The following PDE11A variants were observed in gnomAD, a reference collection of about 807,000 sequenced individuals.
PDE11A encodes dual 3',5'-cyclic-AMP and -GMP phosphodiesterase 11A.
Under a neutral mutation model 100.5 loss-of-function variants are expected in PDE11A, and 100 were observed. The observed-to-expected ratio is 1.00, with a 90% CI of 0.85 to 1.18. The LOEUF (loss-of-function observed/expected upper bound fraction) is 1.18. Ranked by LOEUF, PDE11A falls within the 50% of genes most tolerant of loss-of-function variation. The pLI is 0.00. For synonymous variants in PDE11A, 381 were observed against 420.8 expected, an observed-to-expected ratio of 0.91 and a Z score of 1.16; for missense variants, 1,141 against 1,152.6, an observed-to-expected ratio of 0.99 and a Z score of 0.15.
rs1453583160 is a variant in PDE11A at position 177,669,508 on chromosome 2, G to A, written c.2547C>T (p.Leu849=). ...ATGAACTCACTGAAGGAGTGAGTTT[G>A]AGCTCTAATCTCTCCCGATCTCCTT... ...FEQGDRERLE[L]KLTPSAIFDR... Residue 849 remains leucine, a synonymous_variant, in exon 18 of 20, where the codon CTC becomes CTT. Transcript: ENST00000286063. The A allele has an allele frequency of 8.8e-6, 12 of 1,360,040 alleles. No homozygotes were observed. Among genetic ancestry groups the A allele is most frequent in the Non-Finnish European group, 1.3e-5 (12 of 948,658 alleles). The allele number at this position is 1,360,040 out of a possible 1,614,324, so 84.2% of individuals were successfully genotyped here. A position where few individuals can be genotyped will look rare whatever the true frequency, so the allele number is the denominator to read the frequency against.
At chr2:177,745,815 C>A (rs1457745674) in intron 10 of PDE11A, among the ~76,000 whole-genome samples, 1 of 152,214 alleles carries the variant, frequency 6.6e-6, no homozygotes, top group East Asian at 1.9e-4. Context: ...GCTTGTCAGG[C>A]GGGCTGAGTC....
intron 19 of PDE11A, among the ~76,000 whole-genome samples, chr2:177,661,728 G>A (rs1303352313): frequency 2.0e-5 from 3 of 152,124 alleles, no homozygotes; most frequent in Non-Finnish European, 2.9e-5. Context: ...TTCACCCCCT[G>A]TTAAATGAAA....
At chr2:178,039,395 G>T (rs1242142948) in intron 1 of PDE11A, among the ~76,000 whole-genome samples, 1 of 152,122 alleles carries the variant, frequency 6.6e-6, no homozygotes, top group African/African-American at 2.4e-5. Flanking sequence ...GAGGGTGAGA[G>T]GAGGGAGAGG....
chr2:177,946,214 C>G (rs1355651748), intron 2 of PDE11A, among the ~76,000 whole-genome samples: 979 of 64,340 alleles, frequency 0.015, no homozygotes, highest in Non-Finnish European at 0.018. Context: ...CCAGCCGCCC[C>G]GTCCGGGAGG....
rs535596770 is a variant in PDE11A at position 178,014,994 on chromosome 2, G to A, written c.913-534C>T. ...GCCAGCTAAAATATATAAAATAAAT[G>A]ATAAAATTATACAATATATTTTGCA... On this transcript the variant is annotated intron_variant, in intron 1 of 19. Coordinates refer to ENST00000286063, the MANE Select transcript of PDE11A (RefSeq NM_016953.4). Among the ~76,000 whole-genome samples, 17 of 152,178 alleles carry A rather than the reference G, an allele frequency of 1.1e-4. 1 individual carries two copies. The East Asian group carries it at 3.3e-3, about 29-fold the overall frequency.
intron 19 of PDE11A, among the ~76,000 whole-genome samples, chr2:177,652,255 A>T (rs73977693): frequency 0.035 from 5,387 of 152,236 alleles, 310 homozygotes; most frequent in African/African-American, 0.12. Flanking sequence ...GAACCCAAAG[A>T]GGGTCCCAGA....
rs896082884 is a variant in PDE11A at position 177,677,022 on chromosome 2, G to A, written c.2424-1504C>T. 2.6e-5 allele frequency among the ~76,000 whole-genome samples: 4 copies of A among 152,176 alleles called. No individual in the cohort carries two copies. In the South Asian group the frequency reaches 6.2e-4, roughly 24 times the overall value. ...CTGGAGGGGGACAAGACTGGCTAAA[G>A]CATTGGATTTCTCAGCATCTCTCCT... On this transcript the variant is annotated intron_variant, in intron 16 of 19. Coordinates refer to ENST00000286063, the MANE Select transcript of PDE11A (RefSeq NM_016953.4).
chr2:177,790,357 T>C (rs890486051), intron 9 of PDE11A, among the ~76,000 whole-genome samples: 7 of 151,604 alleles, frequency 4.6e-5, no homozygotes, highest in Non-Finnish European at 8.8e-5. Flanking sequence ...TGAAACTGGA[T>C]CCCTTCCTTA....
chr2:177,893,371 C>T (rs898847240), intron 4 of PDE11A, among the ~76,000 whole-genome samples: 1 of 152,140 alleles, frequency 6.6e-6, no homozygotes, highest in Non-Finnish European at 1.5e-5. Context: ...CTCCTGGGCT[C>T]AAGCAATCCT....
At chr2:177,854,488 C>A (rs531284852) in intron 5 of PDE11A, among the ~76,000 whole-genome samples, 3 of 152,072 alleles carry the variant, frequency 2.0e-5, no homozygotes, top group African/African-American at 7.2e-5. Context: ...AAATGGGGCA[C>A]AGACACATAC....
At position 177,981,945 on chromosome 2, in the gene PDE11A, C is replaced by T. The variant is rs941688874; in HGVS notation, c.1071+32357G>A. On this transcript the variant is annotated intron_variant, in intron 2 of 19. Coordinates refer to ENST00000286063, the MANE Select transcript of PDE11A (RefSeq NM_016953.4). Reference sequence around the variant, plus strand: ...AATCCGGAAAGGCAGGATATTGACTCCTTTGCCATTCTATAGATTCCTGGT... The same window carrying T: ...AATCCGGAAAGGCAGGATATTGACTTCTTTGCCATTCTATAGATTCCTGGT... Among the ~76,000 whole-genome samples, 5 of 150,854 alleles carry T rather than the reference C, an allele frequency of 3.3e-5. No homozygotes were observed. In the South Asian group the frequency reaches 6.4e-4, roughly 19 times the overall value.
Position 177,625,808 on chromosome 2 carries a change from T to A in PDE11A, c.*3599A>T, listed in dbSNP as rs1481605855. The A allele has an allele frequency of 6.6e-6, 1 of 152,514 alleles. No homozygotes were observed. The highest frequency in any genetic ancestry group is 1.9e-4 in the East Asian group (1 of 5,196). 9.4% of individuals were successfully genotyped at this position (152,514 alleles called of 1,614,324 possible). A position where few individuals can be genotyped will look rare whatever the true frequency, so the allele number is the denominator to read the frequency against. ...AATTATAAATTGTTTAGAAAAGGGA[T>A]TAAAAACGCCTGAAACCCGCAAGAG... is the stretch of plus-strand genomic sequence containing the variant. On this transcript the variant is annotated 3_prime_UTR_variant, in exon 20 of 20. Coordinates refer to ENST00000286063, the MANE Select transcript of PDE11A (RefSeq NM_016953.4).
intron 2 of PDE11A, among the ~76,000 whole-genome samples, chr2:177,970,174 A>G (rs71423525): frequency 0.1 from 15,825 of 152,182 alleles, 1,141 homozygotes; most frequent in Non-Finnish European, 0.15. Flanking sequence ...TTGAGACTCA[A>G]TCCTGAAACC....
At chr2:178,041,157 C>G (rs577436549) in intron 1 of PDE11A, among the ~76,000 whole-genome samples, 1 of 151,978 alleles carries the variant, frequency 6.6e-6, no homozygotes, top group Non-Finnish European at 1.5e-5. Context: ...CCAGGCTGGT[C>G]TCGAATTGCT....
chr2:177,680,991 G>C, intron 15 of PDE11A, 88 bp from the exon 16 acceptor site: 1 of 713,144 alleles, frequency 1.4e-6, no homozygotes, highest in Admixed American at 2.3e-5. Context: ...ACATCTATGG[G>C]AAAAACATAA....
At chr2:178,066,781 G>A (rs559312440) in intron 1 of PDE11A, among the ~76,000 whole-genome samples, 1 of 152,210 alleles carries the variant, frequency 6.6e-6, no homozygotes, top group African/African-American at 2.4e-5. Context: ...AATTCAGCGG[G>A]GGCCCCTTGC....
chr2:178,097,469 G>A (rs190418161), intron 2 of PDE11A, among the ~76,000 whole-genome samples: 11 of 152,172 alleles, frequency 7.2e-5, no homozygotes, highest in East Asian at 5.8e-4. Context: ...ATCAGATCTC[G>A]TGAGAACTCA....
upstream of PDE11A, among the ~76,000 whole-genome samples, chr2:178,074,920 G>A (rs2087188280): frequency 6.6e-6 from 1 of 152,164 alleles, no homozygotes; most frequent in Non-Finnish European, 1.5e-5. Context: ...CCAGAGGGCT[G>A]TAATGGAGGG....
At chr2:177,987,912 C>T (rs569425823) in intron 2 of PDE11A, among the ~76,000 whole-genome samples, 8 of 152,170 alleles carry the variant, frequency 5.3e-5, no homozygotes, top group Admixed American at 5.2e-4. Flanking sequence ...CCCACTGTCA[C>T]AGTCCATGCA....
Sources: allele counts gnomAD v4.1 joint callset (sites outside exome capture counted in the v4.1 genomes callset), GRCh38; gene constraint gnomAD v4.1.1; transcripts MANE v1.5; gene names NCBI Gene and HGNC (gene_info 2026-07-23, HGNC 2026-07-21).